ATP8A2: variants seen among roughly 807,000 people sequenced by gnomAD.
ATP8A2 encodes phospholipid-transporting ATPase IB.
Under a neutral mutation model 165.6 loss-of-function variants are expected in ATP8A2, and 100 were observed. That is an observed-to-expected ratio of 0.60 (90% CI 0.51 to 0.71). ATP8A2 has a LOEUF of 0.71. Ranked by LOEUF, ATP8A2 falls within the 30% of genes least tolerant of loss-of-function variation. ATP8A2 has a pLI of 0.00. For synonymous variants in ATP8A2, 543 were observed against 548.8 expected (o/e 0.99, Z 0.15); for missense variants, 1,227 against 1,479.5 (o/e 0.83, Z 2.80).
intron 24 of ATP8A2, chr13:25,648,995 A>T (rs781041541): frequency 8.0e-6 from 4 of 502,948 alleles, no homozygotes; most frequent in South Asian, 5.8e-5. Flanking sequence ...TCATCATTTT[A>T]TTGATCTCCC....
At chr13:25,566,080 G>T (rs1227732084) in intron 16 of ATP8A2, among the ~76,000 whole-genome samples, 2 of 151,926 alleles carry the variant, frequency 1.3e-5, no homozygotes, top group Non-Finnish European at 2.9e-5. Flanking sequence ...AAGTTTTCAT[G>T]AGGAAATCCT....
At chr13:25,647,840 C>T (rs4385999) in intron 24 of ATP8A2, among the ~76,000 whole-genome samples, 18,920 of 151,972 alleles carry the variant, frequency 0.12, 1,339 homozygotes, top group Admixed American at 0.2. Flanking sequence ...TGCCTGCCAC[C>T]ATGCCCGGCT....
intron 2 of ATP8A2, among the ~76,000 whole-genome samples, chr13:25,506,821 C>T (rs2037051890): frequency 6.6e-6 from 1 of 151,750 alleles, no homozygotes; most frequent in South Asian, 2.1e-4. Flanking sequence ...TACATTGAAC[C>T]ATCAGAAAGC....
intron 33 of ATP8A2, among the ~76,000 whole-genome samples, chr13:25,939,907 G>T (rs967071216): frequency 3.3e-5 from 5 of 152,164 alleles, no homozygotes; most frequent in Non-Finnish European, 5.9e-5. Flanking sequence ...ACTTGTGTAG[G>T]TGGGACATTT....
intron 1 of ATP8A2, among the ~76,000 whole-genome samples, chr13:25,410,043 A>G (rs2033921638): frequency 6.6e-6 from 1 of 150,610 alleles, no homozygotes; most frequent in African/African-American, 2.4e-5. Context: ...TAATGGGTTC[A>G]GCCATTAGGA....
intron 1 of ATP8A2, chr13:25,468,739 A>C (rs2035742994): frequency 1.3e-6 from 1 of 742,756 alleles, no homozygotes; most frequent in Non-Finnish European, 1.6e-6. Flanking sequence ...CTCGCTCCAC[A>C]AGCGCCAGGG....
intron 11 of ATP8A2, among the ~76,000 whole-genome samples, chr13:25,551,767 A>G (rs1374227416): frequency 1.3e-5 from 2 of 152,130 alleles, no homozygotes; most frequent in Admixed American, 6.5e-5. Flanking sequence ...AGGAATTACA[A>G]TGTATTTCCC....
chr13:25,578,998 A>G (rs1207004059), intron 21 of ATP8A2, 99 bp downstream of exon 21: 3 of 820,044 alleles, frequency 3.7e-6, no homozygotes, highest in Non-Finnish European at 2.1e-6. Flanking sequence ...TGCCTGCCCC[A>G]TCCCCTCCTG....
chr13:25,538,763 G>A (rs1159455120), intron 7 of ATP8A2, among the ~76,000 whole-genome samples: 2 of 152,050 alleles, frequency 1.3e-5, no homozygotes, highest in South Asian at 2.1e-4. Context: ...TACACTGTTG[G>A]GAATCATAGA....
chr13:25,452,158 T>G (rs1361749232), intron 1 of ATP8A2, among the ~76,000 whole-genome samples: 1 of 152,092 alleles, frequency 6.6e-6, no homozygotes, highest in Non-Finnish European at 1.5e-5. Context: ...TGGCCTAACC[T>G]TCATGAGTTT....
intron 25 of ATP8A2, among the ~76,000 whole-genome samples, chr13:25,736,658 C>T (rs1593270352): frequency 6.6e-6 from 1 of 152,170 alleles, no homozygotes; most frequent in Admixed American, 6.5e-5. Context: ...CAGAAGTTCC[C>T]ATGGACAGTA....
chr13:25,783,435 T>A (rs773734165), intron 27 of ATP8A2, among the ~76,000 whole-genome samples: 10 of 152,256 alleles, frequency 6.6e-5, no homozygotes, highest in Non-Finnish European at 1.3e-4. Flanking sequence ...ATTCTCCAAG[T>A]CAAGAACTCT....
At chr13:25,495,218 T>C (rs972654446) in intron 2 of ATP8A2, among the ~76,000 whole-genome samples, 3 of 152,106 alleles carry the variant, frequency 2.0e-5, no homozygotes, top group South Asian at 2.1e-4. Context: ...CCACCTGTCT[T>C]TGTTCAGGAA....
Position 25,860,198 on chromosome 13 carries a change from C to T in ATP8A2, c.2960C>T (p.Thr987Ile), listed in dbSNP as rs1952303341. The T allele has an allele frequency of 1.2e-6, 2 of 1,609,160 alleles. No individual in the cohort carries two copies. The highest frequency in any genetic ancestry group is 2.7e-5 in the African/African-American group (2 of 74,946). ...TAGTAACTTCTTTGTTTTTCAGATA[C>T]TGTGTTGACAAGTGGTCATGCTACC... ...WFPMKALEHD[T>I]VLTSGHATDY... Residue 987 changes from threonine to isoleucine, a missense_variant, in exon 31 of 37, where the codon ACT (threonine) becomes ATT (isoleucine). Around this residue, in one of 5 missense-constraint regions of ATP8A2, gnomAD observed 260 missense variants for 245.1 expected, o/e 1.06. Transcript: ENST00000381655.
At chr13:25,884,593 G>A (rs890521354) in intron 33 of ATP8A2, among the ~76,000 whole-genome samples, 5 of 152,170 alleles carry the variant, frequency 3.3e-5, no homozygotes, top group African/African-American at 9.7e-5. Flanking sequence ...TGTTGTGATC[G>A]CCTGGTCTGG....
At chr13:25,615,266 G>A (rs559684966) in intron 24 of ATP8A2, among the ~76,000 whole-genome samples, 1 of 152,142 alleles carries the variant, frequency 6.6e-6, no homozygotes, top group African/African-American at 2.4e-5. Context: ...TATCTTCCCA[G>A]GGGGATTATG....
At chr13:25,567,229 G>C (rs575641643) in intron 16 of ATP8A2, 10 of 436,192 alleles carry the variant, frequency 2.3e-5, no homozygotes, top group African/African-American at 2.0e-4. Flanking sequence ...GGTTTTGACT[G>C]TTCATCCCAC....
chr13:25,445,776 G>A lies in ATP8A2; in HGVS notation c.77-23201G>A, dbSNP rs941127370. 2.6e-5 allele frequency among the ~76,000 whole-genome samples: 4 copies of A among 152,094 alleles called. 1 individual carries two copies. The highest frequency in any genetic ancestry group is 6.3e-3 in the Middle Eastern group (2 of 316). On this transcript the variant is annotated intron_variant, in intron 1 of 36. Transcript: ENST00000381655. ...GCAGAATAGGAGTAAATGCATGCAC[G>A]GGCTTGGTGGATTAGCGAAGACCAA... is the stretch of plus-strand genomic sequence containing the variant.
intron 25 of ATP8A2, among the ~76,000 whole-genome samples, chr13:25,722,988 C>A (rs1333220834): frequency 6.6e-6 from 1 of 152,152 alleles, no homozygotes; most frequent in South Asian, 2.1e-4. Flanking sequence ...GAGTTTACTC[C>A]GTGTTAATTC....
Sources: gnomAD v4.1 joint callset for allele counts (sites outside exome capture counted in the v4.1 genomes callset) on GRCh38, gnomAD v4.1.1 for gene constraint, gnomAD v4.1.1 regional missense constraint, MANE v1.5 for transcripts, NCBI Gene and HGNC (gene_info 2026-07-23, HGNC 2026-07-21) for gene names.